Variants in SLFN12L observed in about 807,000 individuals in gnomAD.
The protein encoded by SLFN12L is schlafen family member 12-like.
SLFN12L carries 34 observed loss-of-function variants against 34.8 expected under a neutral mutation model. That is an observed-to-expected ratio of 0.98 (90% CI 0.74 to 1.30). The LOEUF is 1.30. Ranked by LOEUF, SLFN12L falls within the 50% of genes most tolerant of loss-of-function variation. The probability of loss-of-function intolerance (pLI) is 0.00; values close to 1 mark genes in which losing one functional copy is unlikely to be tolerated. For synonymous variants in SLFN12L, 259 were observed against 247.5 expected (o/e 1.05, Z -0.44); for missense variants, 703 against 696.2 (o/e 1.01, Z -0.11).
rs895689301 is a variant in SLFN12L at position 35,468,377 on chromosome 17, C to T, written c.*6546G>A. Among the ~76,000 whole-genome samples the T allele has an allele frequency of 2.0e-5, 3 of 152,178 alleles. No homozygotes were observed. The highest frequency in any genetic ancestry group is 4.4e-5 in the Non-Finnish European group (3 of 68,030). On this transcript the variant is annotated 3_prime_UTR_variant, in exon 5 of 5. Transcript: ENST00000628453. ...TACTCAAGACCCATATCCTAGATGA[C>T]ATTTTCCTGGATAGGCACTCACTGC...
chr17:35,537,246 G>C (rs1016192613), intron 1 of SLFN12L, among the ~76,000 whole-genome samples: 3 of 152,110 alleles, frequency 2.0e-5, no homozygotes, highest in African/African-American at 7.2e-5. Flanking sequence ...TTATCTGAAG[G>C]TTTGTTCCCC....
chr17:35,475,135 A>G lies in SLFN12L; in HGVS notation c.1627T>C (p.Leu543=), dbSNP rs1913926417. The change falls in exon 5 of 5, where the codon TTG becomes CTG. Residue 543 remains leucine, a synonymous_variant. Transcript: ENST00000628453. ...CAGCTTGTCTTGCCTTCAGGGCTCA[A>G]GTAGAAGATCTTTGTCATGACACAC... ...KVCVMTKIFY[L]SPEGKTSCQY... The G allele has an allele frequency of 1.2e-6, 2 of 1,613,848 alleles. No homozygotes were observed. Among genetic ancestry groups the G allele is most frequent in the East Asian group, 4.5e-5 (2 of 44,884 alleles).
intron 2 of SLFN12L, among the ~76,000 whole-genome samples, chr17:35,512,262 C>T (rs1915671687): frequency 7.4e-6 from 1 of 134,778 alleles, no homozygotes. Context: ...TCACACCATT[C>T]TCCTACCTCA....
chr17:35,528,655 A>T (rs1262787763), intron 1 of SLFN12L, among the ~76,000 whole-genome samples: 1 of 152,212 alleles, frequency 6.6e-6, no homozygotes, highest in Non-Finnish European at 1.5e-5. Flanking sequence ...GAAAACTGAA[A>T]GTGGACCCCT....
chr17:35,479,003 C>G, intron 3 of SLFN12L, 114 bp downstream of exon 3: 2 of 750,166 alleles, frequency 2.7e-6, no homozygotes, highest in Non-Finnish European at 2.1e-6. Flanking sequence ...TTGTATCCAC[C>G]AGAGATGTTG....
chr17:35,503,554 G>T (rs1157984540), intron 2 of SLFN12L, among the ~76,000 whole-genome samples: 3 of 152,002 alleles, frequency 2.0e-5, no homozygotes, highest in Non-Finnish European at 4.4e-5. Flanking sequence ...ATAGTGTTTG[G>T]CTTCTTTGGT....
chr17:35,524,415 T>C (rs900241482), intron 1 of SLFN12L, among the ~76,000 whole-genome samples: 30 of 152,222 alleles, frequency 2.0e-4, no homozygotes, highest in African/African-American at 6.8e-4. Flanking sequence ...CTGGCCCATG[T>C]GTATCCCAAT....
intron 2 of SLFN12L, among the ~76,000 whole-genome samples, chr17:35,502,422 A>AC (rs1403341589): frequency 0.013 from 1,911 of 146,022 alleles, 88 homozygotes; most frequent in African/African-American, 0.047. Flanking sequence ...TAAGGAAAAA[A>AC]AAAAAAAAAA....
chr17:35,526,365 A>T (rs1473662433), intron 1 of SLFN12L, among the ~76,000 whole-genome samples: 1 of 152,206 alleles, frequency 6.6e-6, no homozygotes, highest in Admixed American at 6.5e-5. Context: ...GATCTAATAG[A>T]CATCTACAGA....
At chr17:35,501,029 C>A (rs1295858454) in intron 2 of SLFN12L, among the ~76,000 whole-genome samples, 1 of 152,242 alleles carries the variant, frequency 6.6e-6, no homozygotes, top group African/African-American at 2.4e-5. Context: ...CCTTCTACAA[C>A]TCAGTGTCTG....
intron 1 of SLFN12L, among the ~76,000 whole-genome samples, chr17:35,527,251 A>G (rs1263938570): frequency 6.6e-6 from 1 of 152,160 alleles, no homozygotes; most frequent in East Asian, 1.9e-4. Flanking sequence ...CCAGGACCAG[A>G]CAGATTCACA....
At position 35,469,648 on chromosome 17, in the gene SLFN12L, T is replaced by G. The variant is rs900270156; in HGVS notation, c.*5275A>C. Among the ~76,000 whole-genome samples the G allele has an allele frequency of 2.0e-5, 3 of 152,130 alleles. No individual in the cohort carries two copies. The highest frequency in any genetic ancestry group is 2.9e-5 in the Non-Finnish European group (2 of 68,034). On this transcript the variant is annotated 3_prime_UTR_variant, in exon 5 of 5. Transcript: ENST00000628453. ...CAGGGGCAATGGGTCTTACTGTGTT[T>G]TCCTAGGTTCTGTACTTGTCTATTT...
chr17:35,465,334 C>A lies in SLFN12L; in HGVS notation c.*9589G>T, dbSNP rs1377443627. Among the ~76,000 whole-genome samples, 1 of 151,836 alleles carries A rather than the reference C, an allele frequency of 6.6e-6. No homozygotes were observed. Among genetic ancestry groups the A allele is most frequent in the Non-Finnish European group, 1.5e-5 (1 of 67,970 alleles). ...ATAATTTTAAAAGGTAGCTAAATAG[C>A]TTTTTAAAAATAGCTATGCCTTATT... On this transcript the variant is annotated 3_prime_UTR_variant, in exon 5 of 5. Coordinates refer to ENST00000628453, the MANE Select transcript of SLFN12L (RefSeq NM_001363830.2).
Position 35,479,388 on chromosome 17 carries a change from A to G in SLFN12L, c.894T>C (p.Tyr298=). 6.2e-7 allele frequency: 1 copy of G among 1,608,660 alleles called. No homozygotes were observed. The highest frequency in any genetic ancestry group is 8.5e-7 in the Non-Finnish European group (1 of 1,176,736). ...TTGTTACTTCTTCTAACTTAGTAAG[A>G]TAACTCTTCTCTGCTTTAAAGCCAA... is the stretch of plus-strand genomic sequence containing the variant. ...EVIGFKAEKS[Y]LTKLEEVTKN... Residue 298 remains tyrosine (Y), a synonymous_variant, in exon 3 of 5, where the codon TAT becomes TAC. Coordinates refer to ENST00000628453, the MANE Select transcript of SLFN12L (RefSeq NM_001363830.2).
rs1914133482 is a variant in SLFN12L, at chr17:35,478,379, A to G, written c.1166-194T>C. 7.1e-6 allele frequency: 3 copies of G among 423,424 alleles called. No homozygotes were observed. The South Asian group carries it at 9.4e-5, about 13-fold the overall frequency. The allele number at this position is 423,424 out of a possible 1,614,324, so 26.2% of individuals were successfully genotyped here. A position where few individuals can be genotyped will look rare whatever the true frequency, so the allele number is the denominator to read the frequency against. On this transcript the variant is annotated intron_variant, in intron 3 of 4. Transcript: ENST00000628453. ...ATACAAATTGTAAAATTAACTCTTG[A>G]TGCTGCTGAAACACTCTATACTTGG...
chr17:35,488,052 C>CA (rs899376289), intron 2 of SLFN12L, among the ~76,000 whole-genome samples: 14 of 152,044 alleles, frequency 9.2e-5, no homozygotes, highest in South Asian at 2.1e-4. Flanking sequence ...ACTAAAAATA[C>CA]AAAAAAATTA....
intron 2 of SLFN12L, among the ~76,000 whole-genome samples, chr17:35,485,231 A>G (rs977310463): frequency 1.3e-5 from 2 of 152,124 alleles, no homozygotes; most frequent in Non-Finnish European, 2.9e-5. Context: ...TTTTGACTAG[A>G]TGAGATGGTA....
At chr17:35,524,216 G>A (rs530290419) in intron 1 of SLFN12L, among the ~76,000 whole-genome samples, 1 of 152,212 alleles carries the variant, frequency 6.6e-6, no homozygotes, top group Non-Finnish European at 1.5e-5. Context: ...TTTTAGAGAT[G>A]TTAAGAAGTT....
chr17:35,525,746 C>G (rs2072328271), intron 1 of SLFN12L, among the ~76,000 whole-genome samples: 1 of 152,194 alleles, frequency 6.6e-6, no homozygotes, highest in Non-Finnish European at 1.5e-5. Context: ...GTACCAGCCA[C>G]TTCAAAAACA....
Sources: gnomAD v4.1 joint callset for allele counts (sites outside exome capture counted in the v4.1 genomes callset) on GRCh38, gnomAD v4.1.1 for gene constraint, MANE v1.5 for transcripts, NCBI Gene and HGNC (gene_info 2026-07-23, HGNC 2026-07-21) for gene names.